The following ARHGAP29 variants were observed in gnomAD, a reference collection of about 807,000 sequenced individuals.
ARHGAP29 encodes Rho GTPase activating protein 29.
In ARHGAP29, 43 loss-of-function variants were observed where a neutral mutation model predicts 122.6. The observed-to-expected ratio is 0.35, with a 90% CI of 0.27 to 0.45. The LOEUF is 0.45. ARHGAP29 is among the 20% of genes least tolerant of loss of function. ARHGAP29 has a pLI of 1.00. For missense variants in ARHGAP29, 1,303 were observed against 1,477.2 expected, an observed-to-expected ratio of 0.88 and a Z score of 1.93; for synonymous variants, 506 against 497.1, an observed-to-expected ratio of 1.02 and a Z score of -0.24.
In ARHGAP29 at chr1:94,205,019, AATT is replaced by A. The variant is rs776081026; in HGVS notation, c.697+39_697+41del. 6.1e-6 allele frequency: 9 copies of A among 1,483,046 alleles called. No individual in the cohort carries two copies. In the African/African-American group the frequency reaches 1.2e-4, roughly 19 times the overall value. 91.9% of individuals were successfully genotyped at this position (1,483,046 alleles called of 1,614,324 possible). The stretch of plus-strand genomic sequence containing the variant: ...GTAAAAAATGAGTTAGAAACAACTT[AATT>A]ATTATACTCTAAATCAGATGCTTTA... On this transcript the variant is annotated intron_variant, in intron 7 of 22. Transcript: ENST00000260526.
At position 94,271,835 on chromosome 1, in the gene ARHGAP29, G is replaced by A. The variant is rs187172312; in HGVS notation, c.-33+3177C>T. 4.6e-3 allele frequency among the ~76,000 whole-genome samples: 700 copies of A among 152,332 alleles called. 4 individuals carry two copies. The highest frequency in any genetic ancestry group is 6.8e-3 in the Middle Eastern group (2 of 294). On this transcript the variant is annotated intron_variant and NMD_transcript_variant, in intron 1 of 25. Coordinates refer to the ARHGAP29 transcript ENST00000552844. ...GAAGCACTCTCTTACTTCCTTTGAA[G>A]TAAGGGGACAGAGCAAAGACTTCCA...
chr1:94,220,365 C>T lies in ARHGAP29; in HGVS notation c.233G>A (p.Arg78His), dbSNP rs367817904. 21 of 1,605,624 alleles carry T rather than the reference C, an allele frequency of 1.3e-5. No homozygotes were observed. The highest frequency in any genetic ancestry group is 3.3e-4 in the Middle Eastern group (2 of 6,050). The change falls in exon 3 of 23, where the codon CGT (arginine) becomes CAT (histidine). Residue 78 changes from arginine (R) to histidine (H), a missense_variant. Arg to His is a conservative substitution (Grantham distance 29). Transcript: ENST00000260526. ...TAAAACACGGAGCAGTTCCTCTAGA[C>T]GTATATGAATAACTTCTTTAAAACA... ...SDCFKEVIHI[R>H]LEELLRVLKS...
At chr1:94,269,557 T>C (rs1654908980) in intron 1 of ARHGAP29, among the ~76,000 whole-genome samples, 1 of 151,064 alleles carries the variant, frequency 6.6e-6, no homozygotes, top group Admixed American at 6.6e-5. Flanking sequence ...GAGCAAAATA[T>C]ATCATTATTA....
intron 1 of ARHGAP29, among the ~76,000 whole-genome samples, chr1:94,268,920 GTA>G (rs948838827): frequency 6.6e-6 from 1 of 151,986 alleles, no homozygotes; most frequent in East Asian, 1.9e-4. Flanking sequence ...TTGTATGTAT[GTA>G]TATATATACA....
intron 22 of ARHGAP29, among the ~76,000 whole-genome samples, chr1:94,175,805 G>C (rs1219046738): frequency 6.6e-6 from 1 of 152,062 alleles, no homozygotes; most frequent in Non-Finnish European, 1.5e-5. Context: ...CCTGGGTTCA[G>C]GTGATTCTCT....
In ARHGAP29 at chr1:94,237,539, A is replaced by T. The variant is rs1195004442; in HGVS notation, c.-157T>A. On this transcript the variant is annotated 5_prime_UTR_variant, in exon 1 of 23. Coordinates refer to ENST00000260526, the MANE Select transcript of ARHGAP29 (RefSeq NM_004815.4). Reference sequence around the variant, plus strand: ...GCCTGCGGACGCCCGGCCAAATCTCAGCCGCAGCCGCAGCCGCAGCCACAG... The same window carrying T: ...GCCTGCGGACGCCCGGCCAAATCTCTGCCGCAGCCGCAGCCGCAGCCACAG... 18 of 990,150 alleles carry T rather than the reference A, an allele frequency of 1.8e-5. No individual in the cohort carries two copies. Among genetic ancestry groups the T allele is most frequent in the Non-Finnish European group, 2.2e-5 (18 of 833,556 alleles). The allele number at this position is 990,150 out of a possible 1,614,324, so 61.3% of individuals were successfully genotyped here.
At chr1:94,178,359 C>T (rs530246584) in intron 20 of ARHGAP29, among the ~76,000 whole-genome samples, 192 bp from the exon 21 acceptor site, 17 of 152,070 alleles carry the variant, frequency 1.1e-4, no homozygotes, top group African/African-American at 4.1e-4. Context: ...CACAGTTTCA[C>T]AGTATTGGAA....
rs779013793 is a variant in ARHGAP29 at position 94,201,731 on chromosome 1, T to C, written c.1270A>G (p.Thr424Ala). The change falls in exon 12 of 23, where the codon ACC becomes GCC. Residue 424 changes from threonine (T) to alanine (A), a missense_variant. Physicochemically the swap from Thr to Ala is moderately conservative, Grantham distance 58. Around this residue, in one of 3 missense-constraint regions of ARHGAP29, gnomAD observed 592 missense variants for 648.2 expected, o/e 0.91. Transcript: ENST00000260526. ...LRTLVFQCDL[T>A]LKAVTVNLFH... ...AAGAAATTACTTACAGCTTTAAGGG[T>C]AAGATCACACTGGAAAACAAGTGTC... is the stretch of plus-strand genomic sequence containing the variant. The C allele has an allele frequency of 6.2e-7, 1 of 1,613,782 alleles. No homozygotes were observed.
chr1:94,178,244 G>A (rs1557838338), intron 20 of ARHGAP29, 77 bp from the exon 21 acceptor site: 1 of 1,383,348 alleles, frequency 7.2e-7, no homozygotes, highest in Non-Finnish European at 9.8e-7. Flanking sequence ...ATGGAATAGA[G>A]AGGGTGGAGG....
rs1303951915 is a variant in ARHGAP29, at chr1:94,174,299, A to T, written c.3356T>A (p.Ile1119Asn). 1 of 1,613,994 alleles carries T rather than the reference A, an allele frequency of 6.2e-7. No individual in the cohort carries two copies. Among genetic ancestry groups the T allele is most frequent in the Non-Finnish European group, 8.5e-7 (1 of 1,180,028 alleles). The change falls in exon 23 of 23, where the codon ATC (isoleucine) becomes AAC (asparagine). Residue 1119 changes from isoleucine to asparagine, a missense_variant. By Grantham distance (149) the Ile-to-Asn change is moderately radical (BLOSUM62 -3). Around this residue, in one of 3 missense-constraint regions of ARHGAP29, gnomAD observed 620 missense variants for 651.2 expected, o/e 0.95. Transcript: ENST00000260526. ...TSLQISGDHS[I>N]NATQPSKPYA... ...TGGCTTACTGGGTTGAGTGGCATTG[A>T]TAGAATGGTCCCCACTAATCTGGAG...
intron 1 of ARHGAP29, chr1:94,250,380 T>A (rs1039626399): frequency 6.6e-6 from 1 of 152,210 alleles, no homozygotes. Context: ...CACCCTTAGA[T>A]TCTCCTCAAC....
At chr1:94,286,960 C>G in the ARHGAP29 span, among the ~76,000 whole-genome samples, 18 of 152,088 alleles carry the variant, frequency 1.2e-4, no homozygotes, top group Non-Finnish European at 2.9e-5. Flanking sequence ...GATAGCATTA[C>G]GACACTATCA....
chr1:94,200,245 A>C (rs780512308), intron 12 of ARHGAP29, among the ~76,000 whole-genome samples: 1 of 152,236 alleles, frequency 6.6e-6, no homozygotes, highest in Non-Finnish European at 1.5e-5. Context: ...TAAGAAAATA[A>C]ACAACTCAAT....
chr1:94,170,861 G>C lies in ARHGAP29; in HGVS notation c.*3008C>G, dbSNP rs1028251710. On this transcript the variant is annotated 3_prime_UTR_variant, in exon 23 of 23. Transcript: ENST00000260526. ...GACTTATTCTTAGGTAGAGTATTTT[G>C]TATTTTTTAATGATATTGAAGAGAT... 6.6e-6 allele frequency among the ~76,000 whole-genome samples: 1 copy of C among 151,990 alleles called. No homozygotes were observed. The highest frequency in any genetic ancestry group is 2.4e-5 in the African/African-American group (1 of 41,402).
Position 94,209,278 on chromosome 1 carries a change from G to A in ARHGAP29, c.413C>T (p.Thr138Ile), listed in dbSNP as rs748666537. Residue 138 changes from threonine (T) to isoleucine (I), a missense_variant, in exon 4 of 23, where the codon ACT becomes ATT. Transcript: ENST00000260526. The stretch of plus-strand genomic sequence containing the variant: ...CATATTTCCAAAGGTAAATGCCAAA[G>A]TTTCAATAGAAGAAAACACTTCCTG... ...LFQEVFSSIE[T>I]LAFTFGNILT... 6.2e-7 allele frequency: 1 copy of A among 1,610,668 alleles called. No individual in the cohort carries two copies. The highest frequency in any genetic ancestry group is 8.5e-7 in the Non-Finnish European group (1 of 1,178,880).
chr1:94,259,798 C>G lies in ARHGAP29; in HGVS notation c.-33+15214G>C, dbSNP rs1387155684. Among the ~76,000 whole-genome samples, 4 of 152,282 alleles carry G rather than the reference C, an allele frequency of 2.6e-5. No homozygotes were observed. The East Asian group carries it at 7.7e-4, about 29-fold the overall frequency. On this transcript the variant is annotated intron_variant and NMD_transcript_variant, in intron 1 of 25. Transcript: ENST00000552844. ...AGTTTGTTAAAGCAGCCACAGGAAA[C>G]TAATACACATGATAAAGAAAAAAAT...
At chr1:94,238,058 T>A (rs535331434), upstream of ARHGAP29, among the ~76,000 whole-genome samples, 293 of 133,370 alleles carry the variant, frequency 2.2e-3, no homozygotes, top group Non-Finnish European at 3.8e-3. Flanking sequence ...TCTGTATTTT[T>A]TTTTTTTTTT....
intron 20 of ARHGAP29, among the ~76,000 whole-genome samples, chr1:94,179,499 CAGA>C (rs1649311961): frequency 7.0e-6 from 1 of 141,890 alleles, no homozygotes; most frequent in Admixed American, 7.7e-5. Flanking sequence ...GAGGCTGAGG[CAGA>C]AGAATTGCTT....
At chr1:94,269,590 AT>A (rs1654912439) in intron 1 of ARHGAP29, among the ~76,000 whole-genome samples, 1 of 132,708 alleles carries the variant, frequency 7.5e-6, no homozygotes, top group Non-Finnish European at 1.7e-5. Flanking sequence ...ATATATTTTA[AT>A]AACAATGATG....
Sources: allele counts gnomAD v4.1 joint callset (sites outside exome capture counted in the v4.1 genomes callset), GRCh38; gene constraint gnomAD v4.1.1; regional missense constraint gnomAD v4.1.1; transcripts MANE v1.5; gene names NCBI Gene and HGNC (gene_info 2026-07-23, HGNC 2026-07-21).